Variants in ARHGAP29 observed in about 807,000 individuals in gnomAD.
The protein encoded by ARHGAP29 is Rho GTPase activating protein 29.
ARHGAP29 carries 43 observed loss-of-function variants against 122.6 expected under a neutral mutation model. The ratio of observed to expected loss-of-function variants is 0.35; its 90% CI spans 0.27 to 0.45. The LOEUF is 0.45. Ranked by LOEUF, ARHGAP29 falls within the 20% of genes least tolerant of loss-of-function variation. The probability of loss-of-function intolerance (pLI) is 1.00; values close to 1 mark genes in which losing one functional copy is unlikely to be tolerated. For synonymous variants in ARHGAP29, 506 were observed against 497.1 expected (o/e 1.02, Z -0.24); for missense variants, 1,303 against 1,477.2 (o/e 0.88, Z 1.93).
At chr1:94,275,121 G>C (rs1040679423), upstream of ARHGAP29, 5 of 152,156 alleles carry the variant, frequency 3.3e-5, no homozygotes, top group Admixed American at 6.5e-5. Context: ...AGAACTCTGA[G>C]CCTAGCGATT....
At chr1:94,292,309 A>G in the ARHGAP29 span, among the ~76,000 whole-genome samples, 53 of 152,268 alleles carry the variant, frequency 3.5e-4, no homozygotes, top group Non-Finnish European at 6.2e-4. Flanking sequence ...CCATCACGTC[A>G]TTTAAGCTCT....
chr1:94,277,410 C>T (rs1655230161), upstream of ARHGAP29, among the ~76,000 whole-genome samples: 1 of 152,152 alleles, frequency 6.6e-6, no homozygotes, highest in African/African-American at 2.4e-5. Flanking sequence ...ACAGTTCAGA[C>T]CTTATTTTCC....
At chr1:94,271,104 T>C (rs1434302044) in intron 1 of ARHGAP29, among the ~76,000 whole-genome samples, 6 of 152,206 alleles carry the variant, frequency 3.9e-5, no homozygotes, top group Non-Finnish European at 7.3e-5. Context: ...AGCTCTCTCA[T>C]GTGATTGTTA....
chr1:94,190,141 C>A, intron 12 of ARHGAP29, 58 bp from the exon 13 acceptor site: 1 of 1,550,370 alleles, frequency 6.5e-7, no homozygotes, highest in East Asian at 2.3e-5. Flanking sequence ...GCTATATAAA[C>A]ATACATTTAT....
Position 94,173,610 on chromosome 1 carries a change from A to G in ARHGAP29, c.*259T>C, listed in dbSNP as rs146535456. 8.3e-6 allele frequency: 3 copies of G among 360,440 alleles called. No individual in the cohort carries two copies. The highest frequency in any genetic ancestry group is 6.1e-5 in the African/African-American group (3 of 49,122). 22.3% of individuals were successfully genotyped at this position (360,440 alleles called of 1,614,324 possible). The stretch of plus-strand genomic sequence containing the variant: ...GGGGAAAGTCAACTGAACTTTAAAA[A>G]ATACGAATCCACCTATCTTATTCAC... On this transcript the variant is annotated 3_prime_UTR_variant, in exon 23 of 23. Transcript: ENST00000260526.
chr1:94,284,935 C>T, the ARHGAP29 span, among the ~76,000 whole-genome samples: 7 of 152,242 alleles, frequency 4.6e-5, no homozygotes, highest in East Asian at 5.8e-4. Flanking sequence ...AGATGTGATC[C>T]GATCCACATA....
At chr1:94,295,742 T>TGTGGAATCTTCTAATG in the ARHGAP29 span, among the ~76,000 whole-genome samples, 10 of 151,490 alleles carry the variant, frequency 6.6e-5, no homozygotes, top group African/African-American at 2.2e-4. Flanking sequence ...ATCTTCTAAT[T>TGTGGAATCTTCTAATG]CCACACAATG....
rs550108986 is a variant in ARHGAP29, at chr1:94,219,362, T to C, written c.340+896A>G. Among the ~76,000 whole-genome samples, 36 of 152,234 alleles carry C rather than the reference T, an allele frequency of 2.4e-4. No individual in the cohort carries two copies. In the South Asian group the frequency reaches 4.4e-3, roughly 18 times the overall value. ...CTGGGATCTCACATCAGTCCTCTACTTACTCTGCACACTCAGCTGATGTCA... is the reference window on the plus strand; with the variant it reads ...CTGGGATCTCACATCAGTCCTCTACCTACTCTGCACACTCAGCTGATGTCA... On this transcript the variant is annotated intron_variant, in intron 3 of 22. Coordinates refer to ENST00000260526, the MANE Select transcript of ARHGAP29 (RefSeq NM_004815.4).
At chr1:94,296,244 T>A in the ARHGAP29 span, among the ~76,000 whole-genome samples, 1 of 152,190 alleles carries the variant, frequency 6.6e-6, no homozygotes, top group Non-Finnish European at 1.5e-5. Context: ...CCACGCTATT[T>A]ATGCTCCCTG....
chr1:94,246,471 A>G (rs1168745548), intron 1 of ARHGAP29, among the ~76,000 whole-genome samples: 4 of 152,214 alleles, frequency 2.6e-5, no homozygotes, highest in Non-Finnish European at 4.4e-5. Context: ...AGGTACTTAG[A>G]ACTTTCATAA....
Position 94,179,744 on chromosome 1 carries a change from GGAAAT to G in ARHGAP29, c.2456_2460del (p.His819ProfsTer32). The G allele has an allele frequency of 6.2e-7, 1 of 1,610,124 alleles. No homozygotes were observed. Among genetic ancestry groups the G allele is most frequent in the Non-Finnish European group, 8.5e-7 (1 of 1,177,352 alleles). On this transcript the variant is annotated frameshift_variant, in exon 20 of 23. Transcript: ENST00000260526. LOFTEE classifies it high-confidence loss of function. ...TCTTACCGCTTTAGATGTACTATAAGGAAATGAAGACTGTTAAAATTTGATGCTGG... is the reference window on the plus strand; with the variant it reads ...TCTTACCGCTTTAGATGTACTATAAGGAAGACTGTTAAAATTTGATGCTGG...
chr1:94,222,241 C>G (rs193300045), intron 2 of ARHGAP29, among the ~76,000 whole-genome samples: 1 of 152,286 alleles, frequency 6.6e-6, no homozygotes, highest in East Asian at 1.9e-4. Flanking sequence ...TGTGCAAATA[C>G]TTTGCTCTCA....
At chr1:94,190,342 AAC>A in intron 12 of ARHGAP29, 2 of 322,762 alleles carry the variant, frequency 6.2e-6, no homozygotes, top group Non-Finnish European at 1.1e-5. Flanking sequence ...TGACTTCAAA[AAC>A]TCCATGCCCC....
At chr1:94,305,205 TA>T in the ARHGAP29 span, among the ~76,000 whole-genome samples, 1 of 152,190 alleles carries the variant, frequency 6.6e-6, no homozygotes, top group Non-Finnish European at 1.5e-5. Flanking sequence ...GTGGACCATG[TA>T]AGGGATCTGC....
At position 94,205,182 on chromosome 1, in the gene ARHGAP29, T is replaced by G. The variant is rs751203738; in HGVS notation, c.576A>C (p.Leu192Phe). 2.6e-5 allele frequency: 42 copies of G among 1,585,302 alleles called. No individual in the cohort carries two copies. Among genetic ancestry groups the G allele is most frequent in the Non-Finnish European group, 3.6e-5 (42 of 1,170,632 alleles). ...SSSEKGNFSP[L>F]ELDNVLLKNT... is the part of the protein sequence containing the mutation. ...TCTTTAACAGCACGTTGTCTAGTTC[T>G]AAAGGGGAAAAATTTCCTGAAAACA... is the stretch of plus-strand genomic sequence containing the variant. The change falls in exon 7 of 23, where the codon TTA becomes TTC. Residue 192 changes from leucine (L) to phenylalanine (F), a missense_variant. This residue lies in a region of ARHGAP29 where 592 missense variants were observed against 648.2 expected (regional missense o/e 0.91). Coordinates refer to ENST00000260526, the MANE Select transcript of ARHGAP29 (RefSeq NM_004815.4).
rs192468502 is a variant in ARHGAP29 at position 94,219,549 on chromosome 1, G to A, written c.340+709C>T. Among the ~76,000 whole-genome samples, 15 of 152,088 alleles carry A rather than the reference G, an allele frequency of 9.9e-5. No homozygotes were observed. The East Asian group carries it at 1.2e-3, about 12-fold the overall frequency. ...CTACCACTACCACACCCCAGCTTCCGCTCATTTAAGCCCTCAGCTTCAACC... is the reference window on the plus strand; with the variant it reads ...CTACCACTACCACACCCCAGCTTCCACTCATTTAAGCCCTCAGCTTCAACC... On this transcript the variant is annotated intron_variant, in intron 3 of 22. Coordinates refer to ENST00000260526, the MANE Select transcript of ARHGAP29 (RefSeq NM_004815.4).
the ARHGAP29 span, among the ~76,000 whole-genome samples, chr1:94,301,767 C>G: frequency 2.0e-5 from 3 of 152,272 alleles, no homozygotes; most frequent in East Asian, 5.8e-4. Context: ...GGCCCTTAAC[C>G]TACATGCATC....
intron 1 of ARHGAP29, among the ~76,000 whole-genome samples, chr1:94,242,725 A>G (rs1653647384): frequency 1.3e-5 from 2 of 151,930 alleles, no homozygotes; most frequent in Admixed American, 1.3e-4. Context: ...CAATAATTAC[A>G]TTAAATATAA....
rs1036690611 is a variant in ARHGAP29, at chr1:94,169,268, T to G, written c.*4601A>C. On this transcript the variant is annotated 3_prime_UTR_variant, in exon 23 of 23. Transcript: ENST00000260526. Reference sequence around the variant, plus strand: ...AGGATTCCAATGGTGTGCTCAGGACTGACATCACTGGGGTCAAAGATTCAG... The same window carrying G: ...AGGATTCCAATGGTGTGCTCAGGACGGACATCACTGGGGTCAAAGATTCAG... 2.0e-5 allele frequency among the ~76,000 whole-genome samples: 3 copies of G among 152,326 alleles called. No individual in the cohort carries two copies. In the South Asian group the frequency reaches 6.2e-4, roughly 32 times the overall value.
Sources: allele counts gnomAD v4.1 joint callset (sites outside exome capture counted in the v4.1 genomes callset), GRCh38; gene constraint gnomAD v4.1.1; regional missense constraint gnomAD v4.1.1; transcripts MANE v1.5; gene names NCBI Gene and HGNC (gene_info 2026-07-23, HGNC 2026-07-21).